CA10: variants seen among roughly 807,000 people sequenced by gnomAD.
CA10 encodes carbonic anhydrase 10 (inactive).
Under a neutral mutation model 44.2 loss-of-function variants are expected in CA10, and 14 were observed. The ratio of observed to expected loss-of-function variants is 0.32; its 90% CI spans 0.21 to 0.50. The LOEUF (loss-of-function observed/expected upper bound fraction) is 0.50, where lower values mean the gene tolerates loss of function less well. Ranked by LOEUF, CA10 falls within the 20% of genes least tolerant of loss-of-function variation. The pLI, the probability that CA10 is intolerant of heterozygous loss-of-function variation, is 0.99. For missense variants in CA10, 350 were observed against 409.7 expected (o/e 0.85, Z 1.26); for synonymous variants, 159 against 141.6 (o/e 1.12, Z -0.87).
At position 51,870,832 on chromosome 17, in the gene CA10, A is replaced by G. The variant is rs186196733; in HGVS notation, c.279+60158T>C. Among the ~76,000 whole-genome samples the G allele has an allele frequency of 9.8e-4, 149 of 152,188 alleles. 1 individual carries two copies. Among genetic ancestry groups the G allele is most frequent in the Non-Finnish European group, 1.6e-3 (108 of 68,010 alleles). ...TAGAAAGGATGAATTACAAATAAGAAATACAGGGGGTGGTGGGATTATTCT... is the reference window on the plus strand; with the variant it reads ...TAGAAAGGATGAATTACAAATAAGAGATACAGGGGGTGGTGGGATTATTCT... On this transcript the variant is annotated intron_variant, in intron 3 of 8. Coordinates refer to ENST00000451037, the MANE Select transcript of CA10 (RefSeq NM_020178.5).
At chr17:52,142,746 G>A (rs1408159200) in intron 1 of CA10, among the ~76,000 whole-genome samples, 9 of 151,918 alleles carry the variant, frequency 5.9e-5, no homozygotes, top group Non-Finnish European at 1.5e-5. Flanking sequence ...AGACAGCACC[G>A]CTCATATTCC....
intron 1 of CA10, among the ~76,000 whole-genome samples, chr17:52,133,489 G>A (rs1455547353): frequency 6.6e-6 from 1 of 152,052 alleles, no homozygotes; most frequent in Non-Finnish European, 1.5e-5. Flanking sequence ...GAGGCTTCAG[G>A]ATTTGGGGAG....
intron 3 of CA10, among the ~76,000 whole-genome samples, chr17:51,776,947 C>T (rs1366089852): frequency 2.0e-5 from 3 of 152,162 alleles, no homozygotes; most frequent in African/African-American, 4.8e-5. Flanking sequence ...AGCAGACTCT[C>T]ACAGCCAGAG....
intron 2 of CA10, among the ~76,000 whole-genome samples, chr17:51,996,933 CA>C (rs1985257655): frequency 6.6e-6 from 1 of 152,060 alleles, no homozygotes. Context: ...CAATTTCCCC[CA>C]GATCTAAAGA....
At chr17:51,880,841 G>C (rs1404503607) in intron 3 of CA10, among the ~76,000 whole-genome samples, 1 of 152,156 alleles carries the variant, frequency 6.6e-6, no homozygotes, top group Non-Finnish European at 1.5e-5. Context: ...GAAACTAAAA[G>C]AGGGAGCACA....
At chr17:51,746,303 G>C (rs1443826123) in intron 4 of CA10, among the ~76,000 whole-genome samples, 1 of 152,190 alleles carries the variant, frequency 6.6e-6, no homozygotes, top group Non-Finnish European at 1.5e-5. Flanking sequence ...TACTTTCAGT[G>C]TTTTTACATC....
chr17:52,095,507 CTCTG>C (rs1203621941), intron 1 of CA10, among the ~76,000 whole-genome samples: 2 of 152,088 alleles, frequency 1.3e-5, no homozygotes, highest in Non-Finnish European at 2.9e-5. Flanking sequence ...CCAAACAGCA[CTCTG>C]TCATGGCAAA....
At chr17:52,049,055 T>C (rs1598186247) in intron 2 of CA10, among the ~76,000 whole-genome samples, 1 of 152,036 alleles carries the variant, frequency 6.6e-6, no homozygotes, top group Non-Finnish European at 1.5e-5. Context: ...ATATAAGAAT[T>C]ATTTTGTAGT....
chr17:52,122,321 T>C (rs532524755), intron 1 of CA10, among the ~76,000 whole-genome samples: 3 of 152,198 alleles, frequency 2.0e-5, no homozygotes, highest in Non-Finnish European at 4.4e-5. Flanking sequence ...ATCAAAATTT[T>C]AAATAATAAA....
chr17:51,907,305 G>A (rs1439150278), intron 3 of CA10, among the ~76,000 whole-genome samples: 1 of 152,020 alleles, frequency 6.6e-6, no homozygotes, highest in African/African-American at 2.4e-5. Context: ...CTCCACTTAG[G>A]TTGGCTCAAA....
rs1412116426 is a variant in CA10, at chr17:51,775,310, G to A, written c.280-27492C>T. Among the ~76,000 whole-genome samples the A allele has an allele frequency of 2.0e-5, 3 of 152,148 alleles. No individual in the cohort carries two copies. In the South Asian group the frequency reaches 6.2e-4, roughly 32 times the overall value. Reference sequence around the variant, plus strand: ...TGGTTTAGGGTAAGTTTAATTTGGGGTGATGGTGTGGACAATGCTCTCAAA... The same window carrying A: ...TGGTTTAGGGTAAGTTTAATTTGGGATGATGGTGTGGACAATGCTCTCAAA... On this transcript the variant is annotated intron_variant, in intron 3 of 8. Coordinates refer to ENST00000451037, the MANE Select transcript of CA10 (RefSeq NM_020178.5).
chr17:51,832,683 G>A (rs1257954769), intron 3 of CA10, among the ~76,000 whole-genome samples: 2 of 152,196 alleles, frequency 1.3e-5, no homozygotes, highest in Non-Finnish European at 2.9e-5. Context: ...AAAACCAGGA[G>A]CTTTAAGGTG....
intron 6 of CA10, among the ~76,000 whole-genome samples, chr17:51,643,382 C>T (rs1236196623): frequency 2.0e-5 from 3 of 152,162 alleles, no homozygotes; most frequent in African/African-American, 2.4e-5. Flanking sequence ...AAAATCCATT[C>T]GGAAAATCTA....
intron 4 of CA10, among the ~76,000 whole-genome samples, chr17:51,718,536 C>T (rs186223664): frequency 1.9e-3 from 282 of 152,264 alleles, no homozygotes; most frequent in African/African-American, 6.2e-3. Flanking sequence ...TTATTCCCCC[C>T]GGCTCTTCAT....
At chr17:51,871,667 G>A (rs901340187) in intron 3 of CA10, among the ~76,000 whole-genome samples, 1 of 151,938 alleles carries the variant, frequency 6.6e-6, no homozygotes, top group African/African-American at 2.4e-5. Flanking sequence ...TTACAGGTGT[G>A]AGCCACCATG....
At chr17:51,915,105 T>A (rs2109454) in intron 3 of CA10, among the ~76,000 whole-genome samples, 2 of 152,124 alleles carry the variant, frequency 1.3e-5, no homozygotes, top group African/African-American at 4.8e-5. Context: ...GCTAACCAGA[T>A]GCTGACACAG....
intron 3 of CA10, among the ~76,000 whole-genome samples, chr17:51,796,732 T>A (rs892286639): frequency 1.3e-5 from 2 of 152,068 alleles, no homozygotes; most frequent in African/African-American, 4.8e-5. Flanking sequence ...CATCTGTCAT[T>A]TCATCCTCTT....
intron 3 of CA10, among the ~76,000 whole-genome samples, chr17:51,777,676 G>T (rs570940773): frequency 1.3e-5 from 2 of 152,334 alleles, no homozygotes; most frequent in South Asian, 4.2e-4. Context: ...AGGCGCAGGG[G>T]TTCACGCCTG....
At chr17:51,906,720 A>G (rs1051358663) in intron 3 of CA10, among the ~76,000 whole-genome samples, 3 of 152,014 alleles carry the variant, frequency 2.0e-5, no homozygotes, top group Non-Finnish European at 4.4e-5. Flanking sequence ...AGAATTCCTG[A>G]TCTCCCATCC....
Sources: allele counts gnomAD v4.1 joint callset (sites outside exome capture counted in the v4.1 genomes callset), GRCh38; gene constraint gnomAD v4.1.1; transcripts MANE v1.5; gene names NCBI Gene and HGNC (gene_info 2026-07-23, HGNC 2026-07-21).